CDH20: variants seen among roughly 807,000 people sequenced by gnomAD.
The protein encoded by CDH20 is cadherin 20.
CDH20 carries 29 observed loss-of-function variants against 74.2 expected under a neutral mutation model. The observed-to-expected ratio is 0.39, with a 90% confidence interval of 0.29 to 0.53. The LOEUF (loss-of-function observed/expected upper bound fraction) is 0.53. Among genes scored for constraint, CDH20 ranks in the 20% least tolerant of loss-of-function variants. CDH20 has a pLI of 0.69. For synonymous variants in CDH20, 469 were observed against 405.4 expected (o/e 1.16, Z -1.88); for missense variants, 988 against 1,048.3 (o/e 0.94, Z 0.79).
chr18:61,443,738 G>A (rs1909106170), intron 1 of CDH20, among the ~76,000 whole-genome samples: 1 of 152,140 alleles, frequency 6.6e-6, no homozygotes, highest in African/African-American at 2.4e-5. Context: ...TCTGGCATAA[G>A]CTCGTTATCC....
chr18:61,374,291 A>G (rs890906225), intron 1 of CDH20, among the ~76,000 whole-genome samples: 1 of 152,138 alleles, frequency 6.6e-6, no homozygotes, highest in African/African-American at 2.4e-5. Flanking sequence ...ACCTACCATC[A>G]TAGGGGCTTC....
At chr18:61,430,343 A>G (rs1162425878) in intron 1 of CDH20, among the ~76,000 whole-genome samples, 1 of 152,100 alleles carries the variant, frequency 6.6e-6, no homozygotes, top group Non-Finnish European at 1.5e-5. Flanking sequence ...AAAGGAGAAG[A>G]CCACAGAGGT....
chr18:61,356,403 A>G lies in CDH20; in HGVS notation c.-153+22576A>G, dbSNP rs149538924. 3.3e-3 allele frequency among the ~76,000 whole-genome samples: 501 copies of G among 152,324 alleles called. 2 individuals carry two copies. Among genetic ancestry groups the G allele is most frequent in the Middle Eastern group, 6.8e-3 (2 of 294 alleles). ...ATTTTTAAATCAGGCATTTGTAATT[A>G]AGTACTTATAAGTGAAATATTATTT... On this transcript the variant is annotated intron_variant, in intron 1 of 11. Transcript: ENST00000262717.
chr18:61,528,274 G>A (rs1018534813), intron 7 of CDH20, 54 bp downstream of exon 7: 2 of 1,559,084 alleles, frequency 1.3e-6, no homozygotes, highest in African/African-American at 1.4e-5. Flanking sequence ...CCCTTCCCTT[G>A]TATGTAATTT....
intron 1 of CDH20, among the ~76,000 whole-genome samples, chr18:61,397,072 T>C (rs1912007673): frequency 6.6e-6 from 1 of 152,078 alleles, no homozygotes; most frequent in East Asian, 1.9e-4. Context: ...GTGCTGCCAG[T>C]TACTCTAGTG....
intron 1 of CDH20, among the ~76,000 whole-genome samples, chr18:61,365,999 C>T (rs1392121505): frequency 2.6e-5 from 4 of 152,102 alleles, no homozygotes; most frequent in Non-Finnish European, 5.9e-5. Flanking sequence ...AAAAAGAACA[C>T]GACTTGCAAC....
intron 1 of CDH20, among the ~76,000 whole-genome samples, chr18:61,363,381 G>A (rs1314073468): frequency 6.6e-6 from 1 of 152,112 alleles, no homozygotes; most frequent in Middle Eastern, 3.2e-3. Flanking sequence ...TCTCCATCAA[G>A]TAATAATGTA....
intron 1 of CDH20, among the ~76,000 whole-genome samples, chr18:61,487,503 T>C (rs1266422643): frequency 6.6e-6 from 1 of 152,188 alleles, no homozygotes; most frequent in East Asian, 1.9e-4. Context: ...TGCTATCAAG[T>C]TATATAAGAC....
intron 1 of CDH20, among the ~76,000 whole-genome samples, chr18:61,395,932 T>C (rs1911954048): frequency 6.6e-6 from 1 of 152,128 alleles, no homozygotes; most frequent in Non-Finnish European, 1.5e-5. Flanking sequence ...ACTTTTTCGA[T>C]AGTGTTAGAA....
chr18:61,478,406 T>C (rs1910467284), intron 1 of CDH20, among the ~76,000 whole-genome samples: 1 of 152,140 alleles, frequency 6.6e-6, no homozygotes. Flanking sequence ...ATATAACAAT[T>C]TCTAATAACT....
rs76203645 is a variant in CDH20 at position 61,427,626 on chromosome 18, G to A, written c.-152-62776G>A. 5.5e-3 allele frequency among the ~76,000 whole-genome samples: 830 copies of A among 152,270 alleles called. 4 individuals are homozygous for A. Among genetic ancestry groups the A allele is most frequent in the Middle Eastern group, 0.027 (8 of 294 alleles). On this transcript the variant is annotated intron_variant, in intron 1 of 11. Coordinates refer to ENST00000262717, the MANE Select transcript of CDH20 (RefSeq NM_031891.4). ...AAAGATGAAATACTAAAATAAGATT[G>A]CATGATTGGATGTTGCAGCAGTGTC...
At chr18:61,447,185 C>A (rs1178091732) in intron 1 of CDH20, among the ~76,000 whole-genome samples, 2 of 152,114 alleles carry the variant, frequency 1.3e-5, no homozygotes, top group Non-Finnish European at 2.9e-5. Flanking sequence ...AATATGGGGA[C>A]CTAGTGAGTT....
intron 1 of CDH20, among the ~76,000 whole-genome samples, chr18:61,430,181 G>A (rs927835758): frequency 3.9e-5 from 6 of 152,006 alleles, no homozygotes; most frequent in East Asian, 1.9e-4. Flanking sequence ...GCTTGCAAGC[G>A]TAAATCTCAC....
chr18:61,351,804 A>T (rs759306329), intron 1 of CDH20, among the ~76,000 whole-genome samples: 2 of 152,066 alleles, frequency 1.3e-5, no homozygotes, highest in Non-Finnish European at 2.9e-5. Flanking sequence ...GATGTCATGA[A>T]TACCTGTGTC....
chr18:61,445,114 T>C (rs1268701436), intron 1 of CDH20, among the ~76,000 whole-genome samples: 1 of 152,152 alleles, frequency 6.6e-6, no homozygotes, highest in Admixed American at 6.5e-5. Flanking sequence ...AGCTTGGCTA[T>C]GAATTTTCTA....
intron 1 of CDH20, among the ~76,000 whole-genome samples, chr18:61,444,020 C>G (rs1316012991): frequency 6.6e-6 from 1 of 152,070 alleles, no homozygotes; most frequent in Non-Finnish European, 1.5e-5. Flanking sequence ...TACTCTTTCC[C>G]CTGAATATAC....
At chr18:61,488,974 G>A (rs1341214302) in intron 1 of CDH20, among the ~76,000 whole-genome samples, 1 of 152,178 alleles carries the variant, frequency 6.6e-6, no homozygotes, top group African/African-American at 2.4e-5. Context: ...CAGCACCATT[G>A]TTCTTTATTA....
intron 1 of CDH20, among the ~76,000 whole-genome samples, chr18:61,341,348 T>C (rs1040329125): frequency 6.6e-6 from 1 of 151,824 alleles, no homozygotes; most frequent in South Asian, 2.1e-4. Flanking sequence ...CTGCCTGGGG[T>C]CCCCCTTTTT....
chr18:61,356,027 T>G, intron 1 of CDH20, among the ~76,000 whole-genome samples: 1 of 152,338 alleles, frequency 6.6e-6, no homozygotes, highest in South Asian at 2.1e-4. Flanking sequence ...GAAACAATTC[T>G]TGGCCCTCAG....
Sources: allele counts gnomAD v4.1 joint callset (sites outside exome capture counted in the v4.1 genomes callset), GRCh38; gene constraint gnomAD v4.1.1; transcripts MANE v1.5; gene names NCBI Gene and HGNC (gene_info 2026-07-23, HGNC 2026-07-21).